The following TINAGL1 variants were observed in gnomAD, a reference collection of about 807,000 sequenced individuals.
TINAGL1 encodes tubulointerstitial nephritis antigen-like.
TINAGL1 carries 34 observed loss-of-function variants against 62.0 expected under a neutral mutation model. The observed-to-expected ratio is 0.55, with a 90% CI of 0.42 to 0.73. The LOEUF is 0.73. Ranked by LOEUF, TINAGL1 falls within the 30% of genes least tolerant of loss-of-function variation. The pLI is 0.00. For synonymous variants in TINAGL1, 221 were observed against 249.7 expected (o/e 0.88, Z 1.08); for missense variants, 516 against 653.2 (o/e 0.79, Z 2.29).
Position 31,585,545 on chromosome 1 carries a change from C to T in TINAGL1, c.1093+60C>T. ...GCTTGTGCCTGCTTGAGAGTGGGCA[C>T]AGTAGCACAAGTGGCCTGCACAGCA... is the stretch of plus-strand genomic sequence containing the variant. On this transcript the variant is annotated intron_variant, in intron 9 of 11. Transcript: ENST00000271064. This position sits in a 1 kb window ranked among gnomAD's most constrained non-coding sequence, Gnocchi z 4.3. 6.2e-7 allele frequency: 1 copy of T among 1,606,116 alleles called. No individual in the cohort carries two copies. The highest frequency in any genetic ancestry group is 8.5e-7 in the Non-Finnish European group (1 of 1,175,230).
Position 31,576,911 on chromosome 1 carries a change from G to A in TINAGL1, c.-15-223G>A. The A allele has an allele frequency of 2.1e-6, 1 of 480,248 alleles. No individual in the cohort carries two copies. The highest frequency in any genetic ancestry group is 3.6e-6 in the Non-Finnish European group (1 of 274,122). The allele number at this position is 480,248 out of a possible 1,614,324, so 29.7% of individuals were successfully genotyped here. On this transcript the variant is annotated intron_variant, in intron 1 of 11. Coordinates refer to ENST00000271064, the MANE Select transcript of TINAGL1 (RefSeq NM_022164.3). The surrounding 1 kb of genome is among the most constrained non-coding windows in gnomAD (Gnocchi z 5.1). ...CACCCTCATTTCCTTGTCCTTGAAG[G>A]TCCCTGCCTAGGTCAGGGAGGGGCT...
chr1:31,585,595 A>G lies in TINAGL1; in HGVS notation c.1093+110A>G. On this transcript the variant is annotated intron_variant, in intron 9 of 11. Coordinates refer to ENST00000271064, the MANE Select transcript of TINAGL1 (RefSeq NM_022164.3). The surrounding 1 kb of genome is among the most constrained non-coding windows in gnomAD (Gnocchi z 4.3). ...ATTCAGCAGCATGTCCAGTAGGGCC[A>G]GGAGTAGGGGTCCCCCCCTCCCACA... 1 of 1,548,140 alleles carries G rather than the reference A, an allele frequency of 6.5e-7. No homozygotes were observed. The highest frequency in any genetic ancestry group is 1.9e-5 in the Admixed American group (1 of 53,506).
chr1:31,584,617 G>T lies in TINAGL1; in HGVS notation c.583-61G>T. On this transcript the variant is annotated intron_variant, in intron 5 of 11. Coordinates refer to ENST00000271064, the MANE Select transcript of TINAGL1 (RefSeq NM_022164.3). This position sits in a 1 kb window ranked among gnomAD's most constrained non-coding sequence, Gnocchi z 4.0. ...ACTTGGTGGCCCTCCAGTGCCAATG[G>T]GCACCTGAGGGGCAGGCCAGGGCAG... 2 of 1,608,866 alleles carry T rather than the reference G, an allele frequency of 1.2e-6. No individual in the cohort carries two copies. The highest frequency in any genetic ancestry group is 1.7e-6 in the Non-Finnish European group (2 of 1,177,478).
At chr1:31,582,673 G>A (rs1194615188) in intron 3 of TINAGL1, among the ~76,000 whole-genome samples, 3 of 152,170 alleles carry the variant, frequency 2.0e-5, no homozygotes, top group Non-Finnish European at 4.4e-5. Flanking sequence ...TCGGACTTGG[G>A]CGGGCTGCAG....
chr1:31,580,814 C>T, intron 3 of TINAGL1: 1 of 1,192,074 alleles, frequency 8.4e-7, no homozygotes, highest in Non-Finnish European at 1.1e-6. Flanking sequence ...TACTGCGTGA[C>T]AGGCACTATG....
rs182455709 is a variant in TINAGL1 at position 31,582,703 on chromosome 1, G to A, written c.375-446G>A. Among the ~76,000 whole-genome samples, 8 of 152,226 alleles carry A rather than the reference G, an allele frequency of 5.3e-5. No homozygotes were observed. In the East Asian group the frequency reaches 1.5e-3, roughly 29 times the overall value. On this transcript the variant is annotated intron_variant, in intron 3 of 11. Transcript: ENST00000271064. ...CTGCAGGAGAGAATGAGAGTGGTTC[G>A]GATTCTGGATGCATTTTTAAGGTAG...
chr1:31,585,197 G>C lies in TINAGL1; in HGVS notation c.904G>C (p.Glu302Gln), dbSNP rs765922609. 1.9e-6 allele frequency: 3 copies of C among 1,605,912 alleles called. No individual in the cohort carries two copies. In the East Asian group the frequency reaches 6.7e-5, roughly 36 times the overall value. The change falls in exon 8 of 12, where the codon GAG (glutamate) becomes CAG (glutamine). Residue 302 changes from glutamate (E) to glutamine (Q), a missense_variant. Physicochemically the swap from Glu to Gln is conservative, Grantham distance 29. Coordinates refer to ENST00000271064, the MANE Select transcript of TINAGL1 (RefSeq NM_022164.3). The surrounding 1 kb of genome is among the most constrained non-coding windows in gnomAD (Gnocchi z 4.3). ...CCCCTTCTCGGGCCGTGAACGAGAC[G>C]AGGCTGGCCCTGCGCCCCCCTGTAT... ...CYPFSGRERD[E>Q]AGPAPPCMMH...
intron 10 of TINAGL1, 57 bp from the exon 11 acceptor site, chr1:31,586,653 G>C: frequency 1.9e-6 from 3 of 1,551,712 alleles, no homozygotes; most frequent in Non-Finnish European, 2.6e-6. Context: ...TCCGGGATTG[G>C]AGCTCCTGAG....
chr1:31,585,080 C>A lies in TINAGL1; in HGVS notation c.857+44C>A. On this transcript the variant is annotated intron_variant, in intron 7 of 11. Transcript: ENST00000271064. The surrounding 1 kb of genome is among the most constrained non-coding windows in gnomAD (Gnocchi z 4.3). Reference sequence around the variant, plus strand: ...TGTGGGCAGAGAAGAGGGCAAGGAGCTCCGTGGGCATGGCCTGGGCCATGA... The same window carrying A: ...TGTGGGCAGAGAAGAGGGCAAGGAGATCCGTGGGCATGGCCTGGGCCATGA... The A allele has an allele frequency of 6.4e-7, 1 of 1,569,862 alleles. No homozygotes were observed. Among genetic ancestry groups the A allele is most frequent in the South Asian group, 1.2e-5 (1 of 85,582 alleles).
chr1:31,578,386 G>C (rs895255649), intron 2 of TINAGL1, among the ~76,000 whole-genome samples: 11 of 149,204 alleles, frequency 7.4e-5, no homozygotes, highest in Non-Finnish European at 1.6e-4. Flanking sequence ...GTATGTGTGT[G>C]TGTGTGTGTG....
chr1:31,582,172 T>C (rs1415783506), intron 3 of TINAGL1, among the ~76,000 whole-genome samples: 1 of 151,814 alleles, frequency 6.6e-6, no homozygotes, highest in Non-Finnish European at 1.5e-5. Flanking sequence ...TCTACAAAAA[T>C]TGCAAAATTT....
At chr1:31,578,058 C>T (rs1570191225) in intron 2 of TINAGL1, 2 of 700,792 alleles carry the variant, frequency 2.9e-6, no homozygotes, top group African/African-American at 3.9e-5. Flanking sequence ...CCCCATGCTC[C>T]TCCCACTCCC....
intron 10 of TINAGL1, chr1:31,586,257 A>G (rs1295927150): frequency 3.3e-6 from 1 of 307,264 alleles, no homozygotes; most frequent in Non-Finnish European, 6.1e-6. Context: ...AGATGTTAGG[A>G]TCACTGACTT....
chr1:31,586,007 T>C, intron 10 of TINAGL1, 131 bp downstream of exon 10: 1 of 1,261,524 alleles, frequency 7.9e-7, no homozygotes, highest in Non-Finnish European at 1.0e-6. Context: ...GGGAGAAAAC[T>C]GAGACTCAGA....
Position 31,584,858 on chromosome 1 carries a change from C to A in TINAGL1, c.707-28C>A. 7 of 1,613,506 alleles carry A rather than the reference C, an allele frequency of 4.3e-6. No homozygotes were observed. The highest frequency in any genetic ancestry group is 5.9e-6 in the Non-Finnish European group (7 of 1,179,454). On this transcript the variant is annotated intron_variant, in intron 6 of 11. Coordinates refer to ENST00000271064, the MANE Select transcript of TINAGL1 (RefSeq NM_022164.3). This position sits in a 1 kb window ranked among gnomAD's most constrained non-coding sequence, Gnocchi z 4.0. ...GAGGAGGGCCAAGTCCTGAGCCTCC[C>A]GACAGCCCCTCTATCTCACCCCACC...
rs940500599 is a variant in TINAGL1 at position 31,578,163 on chromosome 1, T to C, written c.310+705T>C. ...GTAAGAGGAATCCAGGTTGGAATCA[T>C]TGAAGAACTTCCCAAACAGCAGTTG... On this transcript the variant is annotated intron_variant, in intron 2 of 11. Transcript: ENST00000271064. 31 of 986,480 alleles carry C rather than the reference T, an allele frequency of 3.1e-5. No individual in the cohort carries two copies. The East Asian group carries it at 1.1e-3, about 36-fold the overall frequency. The allele number at this position is 986,480 out of a possible 1,614,324, so 61.1% of individuals were successfully genotyped here.
chr1:31,577,486 G>A lies in TINAGL1; in HGVS notation c.310+28G>A. The A allele has an allele frequency of 1.3e-6, 2 of 1,582,114 alleles. No homozygotes were observed. Among genetic ancestry groups the A allele is most frequent in the South Asian group, 1.2e-5 (1 of 85,112 alleles). On this transcript the variant is annotated intron_variant, in intron 2 of 11. Coordinates refer to ENST00000271064, the MANE Select transcript of TINAGL1 (RefSeq NM_022164.3). This position sits in a 1 kb window ranked among gnomAD's most constrained non-coding sequence, Gnocchi z 5.4. ...GGGCACTAAGATGGCCAGGAGGGTG[G>A]GTCACTTTGTCCACCTCAGACTCAG... is the stretch of plus-strand genomic sequence containing the variant.
At chr1:31,579,364 T>A (rs958299504) in intron 3 of TINAGL1, 97 bp downstream of exon 3, 3 of 1,041,580 alleles carry the variant, frequency 2.9e-6, no homozygotes, top group East Asian at 2.4e-5. Context: ...AAGGGAGAAG[T>A]CTTTTCCCTT....
Position 31,577,039 on chromosome 1 carries a change from T to C in TINAGL1, c.-15-95T>C. Reference sequence around the variant, plus strand: ...ACTCAGGAATCGGGATCTCCCTCCCTGCTGGGCCCTCTTGAACTCACAGCT... The same window carrying C: ...ACTCAGGAATCGGGATCTCCCTCCCCGCTGGGCCCTCTTGAACTCACAGCT... On this transcript the variant is annotated intron_variant, in intron 1 of 11. Transcript: ENST00000271064. This position sits in a 1 kb window ranked among gnomAD's most constrained non-coding sequence, Gnocchi z 5.4. The C allele has an allele frequency of 8.6e-7, 1 of 1,166,018 alleles. No individual in the cohort carries two copies. Among genetic ancestry groups the C allele is most frequent in the Non-Finnish European group, 1.2e-6 (1 of 858,490 alleles). The allele number at this position is 1,166,018 out of a possible 1,614,324, so 72.2% of individuals were successfully genotyped here.
Sources: gnomAD v4.1 joint callset for allele counts (sites outside exome capture counted in the v4.1 genomes callset) on GRCh38, gnomAD v4.1.1 for gene constraint, Gnocchi (gnomAD v3.1) non-coding constraint, MANE v1.5 for transcripts, NCBI Gene and HGNC (gene_info 2026-07-23, HGNC 2026-07-21) for gene names.